MALRD1: variants seen among roughly 807,000 people sequenced by gnomAD.
The protein encoded by MALRD1 is MAM and LDL receptor class A domain containing 1.
Under a neutral mutation model 242.1 loss-of-function variants are expected in MALRD1, and 247 were observed. The observed-to-expected ratio is 1.02, with a 90% CI of 0.92 to 1.13. The LOEUF (loss-of-function observed/expected upper bound fraction) is 1.13. Among genes scored for constraint, MALRD1 ranks in the 50% most tolerant of loss-of-function variants. MALRD1 has a pLI of 0.00. For missense variants in MALRD1, 2,989 were observed against 2,533.1 expected, an observed-to-expected ratio of 1.18 and a Z score of -3.86; for synonymous variants, 995 against 866.6, an observed-to-expected ratio of 1.15 and a Z score of -2.60.
At chr10:19,641,892 C>G (rs1840399875) in intron 36 of MALRD1, among the ~76,000 whole-genome samples, 1 of 152,038 alleles carries the variant, frequency 6.6e-6, no homozygotes, top group Non-Finnish European at 1.5e-5. Context: ...TTACAACCCA[C>G]AGATCTAAAC....
intron 21 of MALRD1, among the ~76,000 whole-genome samples, chr10:19,316,455 G>A (rs1004618260): frequency 6.6e-6 from 1 of 151,834 alleles, no homozygotes; most frequent in African/African-American, 2.4e-5. Flanking sequence ...TAAGAAGACT[G>A]GGCAAACAAT....
intron 22 of MALRD1, among the ~76,000 whole-genome samples, chr10:19,324,506 G>T (rs1198499537): frequency 3.3e-5 from 5 of 151,780 alleles, no homozygotes; most frequent in African/African-American, 1.2e-4. Context: ...TTTTCAAAAT[G>T]TTTCTCTGTT....
At position 19,613,520 on chromosome 10, in the gene MALRD1, C is replaced by T. The variant is rs1589308275; in HGVS notation, c.6071-2337C>T. The stretch of plus-strand genomic sequence containing the variant: ...AATATTTAAATATCTCTTAAAAATT[C>T]AACAACTTTCTACCCCCAACCCCAC... On this transcript the variant is annotated intron_variant, in intron 35 of 39. Transcript: ENST00000454679. Among the ~76,000 whole-genome samples, 3 of 152,052 alleles carry T rather than the reference C, an allele frequency of 2.0e-5. No homozygotes were observed. The South Asian group carries it at 6.2e-4, about 32-fold the overall frequency.
intron 24 of MALRD1, 30 bp from the exon 25 acceptor site, chr10:19,347,741 C>T (rs758433678): frequency 2.0e-5 from 31 of 1,546,462 alleles, no homozygotes; most frequent in Non-Finnish European, 2.7e-5. Context: ...TTTCCATTTT[C>T]TGTAACATAT....
rs183166530 is a variant in MALRD1, at chr10:19,073,967, A to G, written c.340+7108A>G. On this transcript the variant is annotated intron_variant, in intron 2 of 39. Coordinates refer to ENST00000454679, the MANE Select transcript of MALRD1 (RefSeq NM_001142308.3). ...GAGCAGTATTTCAATGGATGGAGAGATGAGAGAAATGGTATTTCAAATGGA... is the reference window on the plus strand; with the variant it reads ...GAGCAGTATTTCAATGGATGGAGAGGTGAGAGAAATGGTATTTCAAATGGA... Among the ~76,000 whole-genome samples the G allele has an allele frequency of 2.7e-3, 416 of 152,250 alleles. 1 individual carries two copies. Among genetic ancestry groups the G allele is most frequent in the Middle Eastern group, 0.014 (4 of 294 alleles).
rs539159585 is a variant in MALRD1 at position 19,230,145 on chromosome 10, C to A, written c.2991+20465C>A. On this transcript the variant is annotated intron_variant, in intron 18 of 39. Transcript: ENST00000454679. ...CCTTCTGCTATAATTGTGAGGCCTC[C>A]TCAGCCATGTGGAACTGTGAATTCA... Among the ~76,000 whole-genome samples the A allele has an allele frequency of 2.6e-5, 4 of 152,230 alleles. No homozygotes were observed. The South Asian group carries it at 8.3e-4, about 32-fold the overall frequency.
At chr10:19,611,938 T>C (rs1043545132) in intron 35 of MALRD1, among the ~76,000 whole-genome samples, 5 of 151,980 alleles carry the variant, frequency 3.3e-5, no homozygotes, top group African/African-American at 1.2e-4. Flanking sequence ...CTATAGAGCA[T>C]AAAAATGCAT....
intron 14 of MALRD1, among the ~76,000 whole-genome samples, chr10:19,187,156 A>G (rs529413128): frequency 1.3e-5 from 2 of 152,358 alleles, no homozygotes; most frequent in Non-Finnish European, 2.9e-5. Context: ...GTAAATTTGC[A>G]TGCACAAACT....
intron 29 of MALRD1, among the ~76,000 whole-genome samples, chr10:19,462,253 T>A (rs140107809): frequency 1.3e-5 from 2 of 152,336 alleles, no homozygotes; most frequent in East Asian, 1.9e-4. Flanking sequence ...CTACTTCCTT[T>A]ATGAAGCCGT....
intron 18 of MALRD1, among the ~76,000 whole-genome samples, chr10:19,232,339 GTA>G (rs1838118507): frequency 7.3e-6 from 1 of 137,164 alleles, no homozygotes; most frequent in African/African-American, 2.8e-5. Context: ...GCTAATTTTT[GTA>G]TTTTTTTTTT....
chr10:19,594,687 C>G (rs1473289991), intron 33 of MALRD1, among the ~76,000 whole-genome samples: 2 of 152,026 alleles, frequency 1.3e-5, no homozygotes, highest in Non-Finnish European at 2.9e-5. Context: ...TTTGCAGCAA[C>G]TAGGATGGAG....
intron 36 of MALRD1, among the ~76,000 whole-genome samples, chr10:19,663,386 A>G (rs1841532095): frequency 6.6e-6 from 1 of 152,088 alleles, no homozygotes; most frequent in African/African-American, 2.4e-5. Flanking sequence ...GTAGTATTCC[A>G]TGGTATATAT....
chr10:19,664,831 G>C (rs1422162128), intron 36 of MALRD1, among the ~76,000 whole-genome samples: 1 of 151,806 alleles, frequency 6.6e-6, no homozygotes, highest in Non-Finnish European at 1.5e-5. Context: ...TTAACCATTG[G>C]AATGCTTATT....
intron 35 of MALRD1, among the ~76,000 whole-genome samples, chr10:19,611,157 A>G (rs886544771): frequency 6.6e-6 from 1 of 151,994 alleles, no homozygotes; most frequent in Non-Finnish European, 1.5e-5. Flanking sequence ...TAGCAGTCCT[A>G]TAAGAAAGTG....
chr10:19,411,764 T>C (rs1316892180), intron 28 of MALRD1, among the ~76,000 whole-genome samples: 1 of 152,186 alleles, frequency 6.6e-6, no homozygotes, highest in Non-Finnish European at 1.5e-5. Context: ...ACTAGTATTT[T>C]CCTAGAATTC....
At chr10:19,296,668 A>C (rs1841716150) in intron 21 of MALRD1, among the ~76,000 whole-genome samples, 1 of 152,102 alleles carries the variant, frequency 6.6e-6, no homozygotes. Context: ...GACACATTTA[A>C]ATATCTTATT....
chr10:19,395,371 G>T (rs1846530415), intron 28 of MALRD1, among the ~76,000 whole-genome samples: 1 of 152,174 alleles, frequency 6.6e-6, no homozygotes, highest in Admixed American at 6.5e-5. Flanking sequence ...ATAAACATTG[G>T]TTTGTTCCAG....
At chr10:19,287,718 T>C (rs1365798167) in intron 21 of MALRD1, among the ~76,000 whole-genome samples, 1 of 152,104 alleles carries the variant, frequency 6.6e-6, no homozygotes, top group Non-Finnish European at 1.5e-5. Context: ...AACTATACCA[T>C]ATAGTTTTGT....
At chr10:19,373,580 G>A (rs1845480621) in intron 26 of MALRD1, among the ~76,000 whole-genome samples, 1 of 151,728 alleles carries the variant, frequency 6.6e-6, no homozygotes, top group African/African-American at 2.4e-5. Context: ...GAGAGGGAGG[G>A]ATGGAAGAAG....
Sources: gnomAD v4.1 joint callset for allele counts (sites outside exome capture counted in the v4.1 genomes callset) on GRCh38, gnomAD v4.1.1 for gene constraint, MANE v1.5 for transcripts, NCBI Gene and HGNC (gene_info 2026-07-23, HGNC 2026-07-21) for gene names.